The following CENPK variants were observed in gnomAD, a reference collection of about 807,000 sequenced individuals.
CENPK encodes SoxLZ/Sox6-binding protein Solt.
In CENPK, 46 loss-of-function variants were observed where a neutral mutation model predicts 40.9. The ratio of observed to expected loss-of-function variants is 1.13; its 90% CI spans 0.89 to 1.44. CENPK has a LOEUF of 1.44. Among genes scored for constraint, CENPK ranks in the 40% most tolerant of loss-of-function variants. CENPK has a pLI of 0.00. For missense variants in CENPK, 288 were observed against 303.5 expected, an observed-to-expected ratio of 0.95 and a Z score of 0.38; for synonymous variants, 107 against 104.4, an observed-to-expected ratio of 1.02 and a Z score of -0.15.
intron 10 of CENPK, among the ~76,000 whole-genome samples, chr5:65,518,964 C>A (rs1743200316): frequency 6.6e-6 from 1 of 151,902 alleles, no homozygotes; most frequent in South Asian, 2.1e-4. Flanking sequence ...ACAAAAAACA[C>A]AAAAAGTTAA....
the CENPK span, among the ~76,000 whole-genome samples, chr5:65,511,658 C>T: frequency 4.6e-5 from 7 of 152,172 alleles, no homozygotes; most frequent in Non-Finnish European, 2.9e-5. Context: ...GCCTGAGCTC[C>T]GCCTCCTGTC....
At chr5:65,541,551 T>C in intron 6 of CENPK, 1 of 427,330 alleles carries the variant, frequency 2.3e-6, no homozygotes, top group Non-Finnish European at 4.8e-6. Context: ...TTTTCCTCTC[T>C]ATCCTTAGAC....
At chr5:65,543,537 A>G (rs576712335) in intron 5 of CENPK, among the ~76,000 whole-genome samples, 12 of 152,170 alleles carry the variant, frequency 7.9e-5, no homozygotes, top group Non-Finnish European at 1.6e-4. Flanking sequence ...TATTATATTC[A>G]TCTTACTTTC....
Position 65,542,841 on chromosome 5 carries a change from G to C in CENPK, c.249C>G (p.Pro83=), listed in dbSNP as rs764452510. 6.2e-7 allele frequency: 1 copy of C among 1,609,316 alleles called. No individual in the cohort carries two copies. The highest frequency in any genetic ancestry group is 2.2e-5 in the East Asian group (1 of 44,718). Residue 83 remains proline, a synonymous_variant, in exon 6 of 11, where the codon CCC becomes CCG. Coordinates refer to ENST00000396679, the MANE Select transcript of CENPK (RefSeq NM_022145.5). Reference sequence around the variant, plus strand: ...ATGTTATGAGAACGTCTTCAGTCAAGGGAATTGCTACAAAAACAAAACAAA... The same window carrying C: ...ATGTTATGAGAACGTCTTCAGTCAACGGAATTGCTACAAAAACAAAACAAA... ...QWQKKTPETI[P]LTEDVLITLG...
At chr5:65,545,936 T>C (rs1269508082) in intron 5 of CENPK, among the ~76,000 whole-genome samples, 1 of 152,136 alleles carries the variant, frequency 6.6e-6, no homozygotes, top group Non-Finnish European at 1.5e-5. Flanking sequence ...ATAAAGCCAC[T>C]CCAAAAAAGC....
the CENPK span, among the ~76,000 whole-genome samples, chr5:65,497,664 G>C: frequency 7.2e-5 from 11 of 152,162 alleles, no homozygotes; most frequent in African/African-American, 1.2e-4. Context: ...GAAAATTATT[G>C]AACAGGGTTT....
At chr5:65,526,603 T>C (rs1744751591) in intron 9 of CENPK, among the ~76,000 whole-genome samples, 1 of 152,002 alleles carries the variant, frequency 6.6e-6, no homozygotes, top group Admixed American at 6.6e-5. Flanking sequence ...TCACAGGGCA[T>C]GGGGATAAAG....
At chr5:65,505,154 A>T in the CENPK span, among the ~76,000 whole-genome samples, 1 of 151,998 alleles carries the variant, frequency 6.6e-6, no homozygotes, top group Non-Finnish European at 1.5e-5. Flanking sequence ...CCAGGCTACA[A>T]CATTTATTTT....
At chr5:65,506,219 TA>T in the CENPK span, among the ~76,000 whole-genome samples, 59,926 of 142,848 alleles carry the variant, frequency 0.42, 12,228 homozygotes, top group East Asian at 0.66. Context: ...TCCCATTTCT[TA>T]AAAAAAAAAA....
chr5:65,559,663 A>T (rs1256293106), intron 2 of CENPK, among the ~76,000 whole-genome samples: 1 of 151,814 alleles, frequency 6.6e-6, no homozygotes, highest in African/African-American at 2.4e-5. Flanking sequence ...ACATGGAAGC[A>T]CAAAGGGCCA....
downstream of CENPK, chr5:65,517,618 A>T (rs751496550): frequency 6.6e-6 from 1 of 152,116 alleles, no homozygotes; most frequent in Non-Finnish European, 1.5e-5. Context: ...AAAATAAACA[A>T]ATTTATCTTA....
Position 65,518,139 on chromosome 5 carries a change from GT to G in CENPK, c.*335del, listed in dbSNP as rs1743050266. On this transcript the variant is annotated 3_prime_UTR_variant, in exon 11 of 11. Transcript: ENST00000396679. Reference sequence around the variant, plus strand: ...GAACTCAAAATGCATAAAAGATATTGTTATATATTTTAAGAAAATATTATAT... The same window carrying G: ...GAACTCAAAATGCATAAAAGATATTGTATATATTTTAAGAAAATATTATAT... 1 of 157,210 alleles carries G rather than the reference GT, an allele frequency of 6.4e-6. No individual in the cohort carries two copies. The highest frequency in any genetic ancestry group is 1.4e-5 in the Non-Finnish European group (1 of 71,664). 9.7% of individuals were successfully genotyped at this position (157,210 alleles called of 1,614,324 possible).
chr5:65,536,602 AAC>A lies in CENPK; in HGVS notation c.288+6198_288+6199del, dbSNP rs570516876. On this transcript the variant is annotated intron_variant, in intron 6 of 10. Transcript: ENST00000396679. Reference sequence around the variant, plus strand: ...AATCTTACTACACTCCAACCGGGGCAACAGAGTAATAACCTGTTTCAAAGAAA... The same window carrying A: ...AATCTTACTACACTCCAACCGGGGCAAGAGTAATAACCTGTTTCAAAGAAA... Among the ~76,000 whole-genome samples the A allele has an allele frequency of 5.2e-3, 794 of 152,198 alleles. 5 individuals are homozygous for A. The highest frequency in any genetic ancestry group is 7.9e-3 in the Non-Finnish European group (535 of 68,018).
chr5:65,555,118 T>C (rs1329330893), intron 2 of CENPK, 172 bp from the exon 3 acceptor site: 3 of 388,378 alleles, frequency 7.7e-6, no homozygotes, highest in Admixed American at 1.0e-4. Context: ...AAATAAAACA[T>C]ATATATACTG....
intron 10 of CENPK, 61 bp downstream of exon 10, chr5:65,521,414 A>G: frequency 1.6e-6 from 2 of 1,269,062 alleles, no homozygotes; most frequent in Non-Finnish European, 2.3e-6. Context: ...AAGTCTGAGT[A>G]TAATTGTTCA....
downstream of CENPK, among the ~76,000 whole-genome samples, chr5:65,513,876 G>GTTT (rs1742672763): frequency 1.3e-5 from 2 of 151,964 alleles, no homozygotes; most frequent in African/African-American, 4.8e-5. Flanking sequence ...GAAGTTGAGG[G>GTTT]TTTTCTTATA....
At chr5:65,551,728 G>T in intron 4 of CENPK, 92 bp from the exon 5 acceptor site, 1 of 630,914 alleles carries the variant, frequency 1.6e-6, no homozygotes, top group Non-Finnish European at 2.6e-6. Context: ...TTAAAACTTT[G>T]CAGGGGGGTG....
the CENPK span, among the ~76,000 whole-genome samples, chr5:65,497,707 G>A: frequency 3.9e-5 from 6 of 151,976 alleles, no homozygotes; most frequent in South Asian, 2.1e-4. Context: ...ATAAATGAAC[G>A]AAATGTTCCA....
At position 65,554,872 on chromosome 5, in the gene CENPK, T is replaced by C; in HGVS notation, c.36A>G (p.Thr12=). The change falls in exon 3 of 11, where the codon ACA becomes ACG. Residue 12 remains threonine (T), a synonymous_variant. Coordinates refer to ENST00000396679, the MANE Select transcript of CENPK (RefSeq NM_022145.5). ...CAGTATTTGTAACATCTCCCACATC[T>C]GTAGTACTATCCGGATCTAGATCCT... ...NQEDLDPDST[T]DVGDVTNTEE... is the part of the protein sequence containing the mutation. The C allele has an allele frequency of 4.4e-6, 7 of 1,604,218 alleles. No individual in the cohort carries two copies. The South Asian group carries it at 6.6e-5, about 15-fold the overall frequency.
Sources: gnomAD v4.1 joint callset for allele counts (sites outside exome capture counted in the v4.1 genomes callset) on GRCh38, gnomAD v4.1.1 for gene constraint, MANE v1.5 for transcripts, NCBI Gene and HGNC (gene_info 2026-07-23, HGNC 2026-07-21) for gene names.